Variants in ADCY9 observed in about 807,000 individuals in gnomAD.
The protein encoded by ADCY9 is adenylate cyclase type 9.
A neutral mutation model predicts 101.5 loss-of-function variants in ADCY9; 50 were observed. The observed-to-expected ratio is 0.49, with a 90% CI of 0.39 to 0.62. The LOEUF (loss-of-function observed/expected upper bound fraction) is 0.62, where lower values mean the gene tolerates loss of function less well. Among genes scored for constraint, ADCY9 ranks in the 20% least tolerant of loss-of-function variants. The pLI is 0.00. For synonymous variants in ADCY9, 905 were observed against 769.3 expected, an observed-to-expected ratio of 1.18 and a Z score of -2.92; for missense variants, 1,662 against 1,800.4, an observed-to-expected ratio of 0.92 and a Z score of 1.39.
intron 2 of ADCY9, among the ~76,000 whole-genome samples, chr16:4,062,992 A>C (rs1335849246): frequency 1.3e-5 from 2 of 152,222 alleles, no homozygotes; most frequent in Non-Finnish European, 2.9e-5. Flanking sequence ...TTGTCAACCA[A>C]CCTGACGTAA....
intron 3 of ADCY9, among the ~76,000 whole-genome samples, chr16:4,002,037 C>T (rs2056334860): frequency 1.3e-5 from 2 of 152,158 alleles, no homozygotes; most frequent in African/African-American, 2.4e-5. Context: ...GTGTGACCAC[C>T]TCACCTGGCG....
At chr16:4,050,294 T>C (rs2056692481) in intron 2 of ADCY9, among the ~76,000 whole-genome samples, 1 of 152,214 alleles carries the variant, frequency 6.6e-6, no homozygotes, top group African/African-American at 2.4e-5. Flanking sequence ...ATGATTTTTA[T>C]ATGAGATGAA....
intron 2 of ADCY9, among the ~76,000 whole-genome samples, chr16:4,067,966 GAAAA>G: frequency 6.6e-6 from 1 of 152,228 alleles, no homozygotes; most frequent in South Asian, 2.1e-4. Context: ...TGGGTTAAGG[GAAAA>G]ACCGTGGCAA....
At chr16:4,007,584 G>A (rs2056375539) in intron 2 of ADCY9, 26 bp from the exon 3 acceptor site, 3 of 1,572,096 alleles carry the variant, frequency 1.9e-6, no homozygotes, top group Non-Finnish European at 2.6e-6. Flanking sequence ...GTTACAGTCA[G>A]CACAGATTGA....
chr16:4,019,434 G>T (rs1459450039), intron 2 of ADCY9, among the ~76,000 whole-genome samples: 1 of 152,200 alleles, frequency 6.6e-6, no homozygotes, highest in African/African-American at 2.4e-5. Flanking sequence ...AAATCCCATT[G>T]AAGTTGTGGA....
At chr16:4,061,821 A>C (rs948759620) in intron 2 of ADCY9, among the ~76,000 whole-genome samples, 1 of 152,252 alleles carries the variant, frequency 6.6e-6, no homozygotes, top group Non-Finnish European at 1.5e-5. Context: ...TATACAGCAG[A>C]TTTATAAATA....
At chr16:4,070,082 A>G (rs2056824266) in intron 2 of ADCY9, among the ~76,000 whole-genome samples, 1 of 151,308 alleles carries the variant, frequency 6.6e-6, no homozygotes, top group South Asian at 2.1e-4. Flanking sequence ...TCGGCAACAG[A>G]GTGAGACTCT....
At chr16:4,103,370 C>T (rs185422745) in intron 2 of ADCY9, among the ~76,000 whole-genome samples, 50 of 152,310 alleles carry the variant, frequency 3.3e-4, no homozygotes, top group Middle Eastern at 6.8e-3. Context: ...ACAGCATTTG[C>T]CTTCTTCAGT....
chr16:4,093,678 GAGCCCAGGAGGCGGAGGCTGCAA>G (rs1173648728), intron 2 of ADCY9, among the ~76,000 whole-genome samples: 1 of 152,120 alleles, frequency 6.6e-6, no homozygotes, highest in East Asian at 1.9e-4. Context: ...AATATCACTT[GAGCCCAGGAGGCGGAGGCTGCAA>G]TGAGCTGAGA....
Position 4,015,371 on chromosome 16 carries a change from CCTCTTGAATTAGGG to C in ADCY9, c.1694-7827_1694-7814del, listed in dbSNP as rs983166323. On this transcript the variant is annotated intron_variant, in intron 2 of 10. Transcript: ENST00000294016. ...ACCTTCGCCTCCCACCTCTAAGAAACCTCTTGAATTAGGGTTTACTAGCACGAGCCTTCACAAAG... is the reference window on the plus strand; with the variant it reads ...ACCTTCGCCTCCCACCTCTAAGAAACTTTACTAGCACGAGCCTTCACAAAG... 1.4e-4 allele frequency among the ~76,000 whole-genome samples: 21 copies of C among 152,190 alleles called. No homozygotes were observed. The South Asian group carries it at 3.9e-3, about 29-fold the overall frequency.
intron 2 of ADCY9, among the ~76,000 whole-genome samples, chr16:4,041,965 C>T (rs1051735551): frequency 1.3e-5 from 2 of 148,424 alleles, no homozygotes; most frequent in Non-Finnish European, 3.0e-5. Flanking sequence ...GCTCTGTCGC[C>T]CAGGCTGAAG....
At chr16:4,091,895 G>A (rs1027689032) in intron 2 of ADCY9, among the ~76,000 whole-genome samples, 2 of 152,212 alleles carry the variant, frequency 1.3e-5, no homozygotes, top group African/African-American at 4.8e-5. Flanking sequence ...GGGGATGGTT[G>A]CACAACACTG....
chr16:3,976,098 TCTC>T (rs1420745435), intron 9 of ADCY9, among the ~76,000 whole-genome samples: 1 of 152,252 alleles, frequency 6.6e-6, no homozygotes, highest in South Asian at 2.1e-4. Flanking sequence ...GTCAACCAAT[TCTC>T]CTGCCTCAGC....
downstream of ADCY9, among the ~76,000 whole-genome samples, chr16:3,957,677 C>G (rs2141662314): frequency 6.6e-6 from 1 of 151,794 alleles, no homozygotes; most frequent in East Asian, 1.9e-4. Context: ...ATAGAGAAGG[C>G]TAGAAAGCCG....
Position 3,977,529 on chromosome 16 carries a change from C to G in ADCY9, c.2781G>C (p.Val927=). 6.3e-7 allele frequency: 1 copy of G among 1,596,068 alleles called. No individual in the cohort carries two copies. Among genetic ancestry groups the G allele is most frequent in the Non-Finnish European group, 8.5e-7 (1 of 1,171,586 alleles). The change falls in exon 9 of 11, where the codon GTG becomes GTC. Residue 927 remains valine, a synonymous_variant. Coordinates refer to ENST00000294016, the MANE Select transcript of ADCY9 (RefSeq NM_001116.4). ...SWMRSSLATV[V]GAGPLLLLYV... ...AGAGCAGGAGCAGCGGCCCGGCCCCCACGACGGTGGCGAGGGAGGACCTCA... is the reference window on the plus strand; with the variant it reads ...AGAGCAGGAGCAGCGGCCCGGCCCCGACGACGGTGGCGAGGGAGGACCTCA...
At chr16:3,981,488 T>G (rs968953149) in intron 7 of ADCY9, among the ~76,000 whole-genome samples, 1 of 151,758 alleles carries the variant, frequency 6.6e-6, no homozygotes. Context: ...GCCCGATAGT[T>G]ACATAGTGGT....
chr16:4,110,231 G>A (rs557329270), intron 2 of ADCY9, among the ~76,000 whole-genome samples: 1 of 152,338 alleles, frequency 6.6e-6, no homozygotes, highest in African/African-American at 2.4e-5. Context: ...AATAATTCAA[G>A]GGTGAGCCGG....
At chr16:3,991,109 C>G (rs751278343) in intron 5 of ADCY9, among the ~76,000 whole-genome samples, 3 of 152,058 alleles carry the variant, frequency 2.0e-5, no homozygotes, top group Non-Finnish European at 4.4e-5. Context: ...TGAAAATCAC[C>G]CTTTGAGGCA....
Position 3,992,079 on chromosome 16 carries a change from GA to G in ADCY9, c.2207+66del. ...GAGCGAGACTCAGTCTTAAAGAAAA[GA>G]AAAGAAAAAGGCAGAGAGGCTTCTG... On this transcript the variant is annotated intron_variant, in intron 5 of 10. Coordinates refer to ENST00000294016, the MANE Select transcript of ADCY9 (RefSeq NM_001116.4). The surrounding 1 kb of genome is among the most constrained non-coding windows in gnomAD (Gnocchi z 4.2). 1 of 1,519,054 alleles carries G rather than the reference GA, an allele frequency of 6.6e-7. No homozygotes were observed. The highest frequency in any genetic ancestry group is 1.2e-5 in the South Asian group (1 of 85,418). 94.1% of individuals were successfully genotyped at this position (1,519,054 alleles called of 1,614,324 possible). A position where few individuals can be genotyped will look rare whatever the true frequency, so the allele number is the denominator to read the frequency against.
Sources: gnomAD v4.1 joint callset for allele counts (sites outside exome capture counted in the v4.1 genomes callset) on GRCh38, gnomAD v4.1.1 for gene constraint, Gnocchi (gnomAD v3.1) non-coding constraint, MANE v1.5 for transcripts, NCBI Gene and HGNC (gene_info 2026-07-23, HGNC 2026-07-21) for gene names.